OR1L8: variants seen among roughly 807,000 people sequenced by gnomAD.
OR1L8 encodes olfactory receptor 1L8.
For synonymous variants in OR1L8, 148 were observed against 147.0 expected, an observed-to-expected ratio of 1.01 and a Z score of -0.05; for missense variants, 330 against 377.4, an observed-to-expected ratio of 0.87 and a Z score of 1.04.
chr9:122,580,569 A>G lies in OR1L8; in HGVS notation c.-599-2124T>C, dbSNP rs77205586. ...TATGACTCATGCTGAAGATCGTAAC[A>G]ATGCCAAGAAGACACAAGAATATGA... is the stretch of plus-strand genomic sequence containing the variant. On this transcript the variant is annotated intron_variant, in intron 1 of 4. Coordinates refer to ENST00000641027, the MANE Select transcript of OR1L8 (RefSeq NM_001004454.2). 6.2e-3 allele frequency among the ~76,000 whole-genome samples: 948 copies of G among 152,332 alleles called. 15 individuals are homozygous for G. Among genetic ancestry groups the G allele is most frequent in the African/African-American group, 0.021 (865 of 41,574 alleles).
chr9:122,549,202 G>A, the OR1L8 span, among the ~76,000 whole-genome samples: 1 of 152,058 alleles, frequency 6.6e-6, no homozygotes, highest in Admixed American at 6.6e-5. Context: ...ATGAGTCCAT[G>A]TGAAAGCTGG....
the OR1L8 span, among the ~76,000 whole-genome samples, chr9:122,556,611 C>A: frequency 2.0e-5 from 3 of 152,080 alleles, no homozygotes; most frequent in Non-Finnish European, 4.4e-5. Context: ...GTGCAGCAAA[C>A]CACCATGGCA....
At position 122,567,761 on chromosome 9, in the gene OR1L8, G is replaced by A; in HGVS notation, c.717C>T (p.Phe239=). 1 of 1,614,138 alleles carries A rather than the reference G, an allele frequency of 6.2e-7. No individual in the cohort carries two copies. The highest frequency in any genetic ancestry group is 8.5e-7 in the Non-Finnish European group (1 of 1,179,998). ...IPSTSGKRKA[F]STCGFYLTVV... Reference sequence around the variant, plus strand: ...CGGTGAGGTAAAAACCACAGGTGGAGAAGGCTTTGCGTTTCCCAGAAGTAG... The same window carrying A: ...CGGTGAGGTAAAAACCACAGGTGGAAAAGGCTTTGCGTTTCCCAGAAGTAG... Residue 239 remains phenylalanine, a synonymous_variant, in exon 5 of 5, where the codon TTC becomes TTT. Coordinates refer to ENST00000641027, the MANE Select transcript of OR1L8 (RefSeq NM_001004454.2).
intron 4 of OR1L8, among the ~76,000 whole-genome samples, 161 bp downstream of exon 4, chr9:122,572,619 G>C (rs1035074781): frequency 6.6e-5 from 10 of 151,306 alleles, no homozygotes; most frequent in African/African-American, 2.4e-4. Flanking sequence ...TGCTCTCAAA[G>C]CATGTGGTGT....
At chr9:122,554,102 CAG>C in the OR1L8 span, 550 of 1,613,532 alleles carry the variant, frequency 3.4e-4, 6 homozygotes, top group Middle Eastern at 3.3e-4. Flanking sequence ...GCTTGAGGAA[CAG>C]AGACATGAAG....
At chr9:122,559,716 T>A in the OR1L8 span, among the ~76,000 whole-genome samples, 8 of 152,282 alleles carry the variant, frequency 5.3e-5, no homozygotes, top group South Asian at 1.2e-3. Context: ...TTCTTTTGCA[T>A]TTGCTGGGGA....
the OR1L8 span, among the ~76,000 whole-genome samples, chr9:122,554,810 TGTA>T: frequency 0.55 from 83,449 of 151,666 alleles, 23,552 homozygotes; most frequent in East Asian, 0.97. Context: ...ACTCTTCTGT[TGTA>T]GTAAATAGAT....
the OR1L8 span, among the ~76,000 whole-genome samples, chr9:122,546,653 G>T: frequency 6.6e-6 from 1 of 152,032 alleles, no homozygotes; most frequent in African/African-American, 2.4e-5. Context: ...CAATATAAAT[G>T]GCAGGTAAAT....
intron 4 of OR1L8, among the ~76,000 whole-genome samples, chr9:122,570,277 C>G (rs1829520422): frequency 1.3e-5 from 2 of 151,988 alleles, no homozygotes; most frequent in Non-Finnish European, 2.9e-5. Context: ...AATGGTTGAA[C>G]TAGTTTACAG....
chr9:122,558,501 T>A, the OR1L8 span, among the ~76,000 whole-genome samples: 1 of 151,688 alleles, frequency 6.6e-6, no homozygotes, highest in Non-Finnish European at 1.5e-5. Flanking sequence ...GCTGAACCTG[T>A]CTATTTGACT....
intron 1 of OR1L8, among the ~76,000 whole-genome samples, chr9:122,580,113 A>C (rs1829719812): frequency 6.6e-6 from 1 of 152,184 alleles, no homozygotes; most frequent in South Asian, 2.1e-4. Flanking sequence ...CCGCTCCTAA[A>C]GCAAATGCCT....
chr9:122,553,506 G>A, the OR1L8 span: 1 of 1,614,088 alleles, frequency 6.2e-7, no homozygotes, highest in East Asian at 2.2e-5. Flanking sequence ...CTCGTATTCT[G>A]GGTGTCTTGC....
chr9:122,552,749 AGTGTGTGTGTGTGTGTGTGT>A, the OR1L8 span, among the ~76,000 whole-genome samples: 1,351 of 129,756 alleles, frequency 0.01, 17 homozygotes, highest in African/African-American at 0.01. Flanking sequence ...AGAGGGCTTG[AGTGTGTGTGTGTGTGTGTGT>A]GTGTGTGTGT....
At chr9:122,552,927 C>T in the OR1L8 span, among the ~76,000 whole-genome samples, 15 of 152,056 alleles carry the variant, frequency 9.9e-5, no homozygotes, top group Non-Finnish European at 1.8e-4. Flanking sequence ...ATGCCAATTT[C>T]TCTGGTCAAA....
At chr9:122,581,300 C>T (rs1055661182) in intron 1 of OR1L8, among the ~76,000 whole-genome samples, 5 of 151,852 alleles carry the variant, frequency 3.3e-5, no homozygotes, top group East Asian at 1.9e-4. Flanking sequence ...CAGGAGGCGG[C>T]GGTTGTAGTG....
downstream of OR1L8, among the ~76,000 whole-genome samples, chr9:122,563,988 G>A (rs1829390770): frequency 2.0e-5 from 3 of 152,144 alleles, no homozygotes; most frequent in African/African-American, 4.8e-5. Flanking sequence ...TTATGACCAT[G>A]CTGTTTCAGT....
chr9:122,552,797 T>TGTGTGTGTGTGTGTGTGTG, the OR1L8 span, among the ~76,000 whole-genome samples: 4 of 135,292 alleles, frequency 3.0e-5, no homozygotes, highest in Non-Finnish European at 4.8e-5. Context: ...TGTGTGTGTG[T>TGTGTGTGTGTGTGTGTGTG]TGGAGGAGGG....
At chr9:122,556,282 C>CT in the OR1L8 span, among the ~76,000 whole-genome samples, 2,380 of 144,344 alleles carry the variant, frequency 0.016, 56 homozygotes, top group African/African-American at 0.052. Flanking sequence ...TGTCTAGATT[C>CT]TTTTTTTTTT....
chr9:122,575,272 C>A (rs139748373), intron 3 of OR1L8, among the ~76,000 whole-genome samples: 2 of 152,036 alleles, frequency 1.3e-5, no homozygotes, highest in Non-Finnish European at 1.5e-5. Context: ...AATATAAATT[C>A]TTCTTTAAAT....
Sources: gnomAD v4.1 joint callset for allele counts (sites outside exome capture counted in the v4.1 genomes callset) on GRCh38, gnomAD v4.1.1 for gene constraint, MANE v1.5 for transcripts, NCBI Gene and HGNC (gene_info 2026-07-23, HGNC 2026-07-21) for gene names.